Variants in HLF observed in about 807,000 individuals in gnomAD.
The protein encoded by HLF is HLF transcription factor, PAR bZIP family member.
HLF carries 3 observed loss-of-function variants against 22.6 expected under a neutral mutation model. The observed-to-expected ratio is 0.13, with a 90% CI of 0.06 to 0.34. The LOEUF (loss-of-function observed/expected upper bound fraction) is 0.34. Ranked by LOEUF, HLF falls within the 10% of genes least tolerant of loss-of-function variation. HLF has a pLI of 1.00. For missense variants in HLF, 299 were observed against 389.2 expected (o/e 0.77, Z 1.95); for synonymous variants, 151 against 151.8 (o/e 0.99, Z 0.04).
At position 55,320,710 on chromosome 17, in the gene HLF, A is replaced by G; in HGVS notation, c.719A>G (p.Lys240Arg). ...CGCAGAAAGAACAACATGGCAGCCAAGCGCTCCCGCGACGCCCGGAGGCTG... is the reference window on the plus strand; with the variant it reads ...CGCAGAAAGAACAACATGGCAGCCAGGCGCTCCCGCGACGCCCGGAGGCTG... ...ARRRKNNMAAKRSRDARRLKE... is the reference protein window; with the variant it reads ...ARRRKNNMAARRSRDARRLKE... The change falls in exon 4 of 4, where the codon AAG becomes AGG. Residue 240 changes from lysine to arginine, a missense_variant. By Grantham distance (26) the Lys-to-Arg change is conservative. Transcript: ENST00000226067. The surrounding 1 kb of genome is among the most constrained non-coding windows in gnomAD (Gnocchi z 4.2). The G allele has an allele frequency of 6.2e-7, 1 of 1,614,212 alleles. No homozygotes were observed. The highest frequency in any genetic ancestry group is 8.5e-7 in the Non-Finnish European group (1 of 1,180,022).
At chr17:55,278,455 C>G (rs2080925389) in intron 2 of HLF, among the ~76,000 whole-genome samples, 1 of 152,188 alleles carries the variant, frequency 6.6e-6, no homozygotes, top group African/African-American at 2.4e-5. Flanking sequence ...CATCACTGCT[C>G]TCTAAGTGCT....
chr17:55,268,197 A>G, intron 2 of HLF, 111 bp downstream of exon 2: 1 of 745,290 alleles, frequency 1.3e-6, no homozygotes, highest in Non-Finnish European at 2.1e-6. Context: ...AAAGATCCTA[A>G]GAGAGGTACC....
chr17:55,268,975 T>C (rs1256545232), intron 2 of HLF, among the ~76,000 whole-genome samples: 1 of 152,222 alleles, frequency 6.6e-6, no homozygotes, highest in Non-Finnish European at 1.5e-5. Context: ...GACGATTTCA[T>C]GTGCACAGGT....
At chr17:55,312,356 C>T (rs1904868773) in intron 2 of HLF, among the ~76,000 whole-genome samples, 1 of 152,172 alleles carries the variant, frequency 6.6e-6, no homozygotes, top group Non-Finnish European at 1.5e-5. Flanking sequence ...AATAGCCATT[C>T]TGGCAGTATG....
chr17:55,304,094 G>C (rs12451013), intron 2 of HLF, among the ~76,000 whole-genome samples: 22,513 of 152,094 alleles, frequency 0.15, 2,137 homozygotes, highest in Non-Finnish European at 0.21. Context: ...CACTTCAGTG[G>C]GCCCAGTGTT....
intron 2 of HLF, among the ~76,000 whole-genome samples, chr17:55,290,544 C>G (rs2081051870): frequency 6.6e-6 from 1 of 152,160 alleles, no homozygotes; most frequent in South Asian, 2.1e-4. Flanking sequence ...TGGTGAACTT[C>G]ATAAATGTTA....
intron 2 of HLF, among the ~76,000 whole-genome samples, chr17:55,292,831 C>G (rs754366908): frequency 5.3e-5 from 8 of 152,164 alleles, no homozygotes; most frequent in Non-Finnish European, 7.3e-5. Flanking sequence ...GAAATTCTAT[C>G]ACTTGCAGCA....
At chr17:55,273,664 A>C (rs1262637965) in intron 2 of HLF, 2 of 152,034 alleles carry the variant, frequency 1.3e-5, no homozygotes, top group East Asian at 3.9e-4. Flanking sequence ...GAGCCCTGGC[A>C]ACCCTGGCTG....
At chr17:55,275,184 C>T (rs1378536841) in intron 2 of HLF, among the ~76,000 whole-genome samples, 1 of 152,222 alleles carries the variant, frequency 6.6e-6, no homozygotes, top group Non-Finnish European at 1.5e-5. Context: ...CAACCTCAAC[C>T]TCCCAGGCTC....
In HLF at chr17:55,325,017, A is replaced by C. The variant is rs1905414567; in HGVS notation, c.*4138A>C. 1 of 225,320 alleles carries C rather than the reference A, an allele frequency of 4.4e-6. No homozygotes were observed. The highest frequency in any genetic ancestry group is 5.7e-5 in the Admixed American group (1 of 17,528). The allele number at this position is 225,320 out of a possible 1,614,324, so 14.0% of individuals were successfully genotyped here. On this transcript the variant is annotated 3_prime_UTR_variant, in exon 4 of 4. Transcript: ENST00000226067. ...TTTATGCTGTTAAGTCCAAACCTTT[A>C]TCTGTCTGTTATTCTTAATGTTGAA... is the stretch of plus-strand genomic sequence containing the variant.
chr17:55,288,207 G>A (rs1429426401), intron 2 of HLF, among the ~76,000 whole-genome samples: 1 of 152,012 alleles, frequency 6.6e-6, no homozygotes, highest in African/African-American at 2.4e-5. Context: ...GAGTGCAGTG[G>A]CGCAATCTCA....
chr17:55,277,601 G>A (rs2080916939), intron 2 of HLF, among the ~76,000 whole-genome samples: 1 of 148,484 alleles, frequency 6.7e-6, no homozygotes, highest in African/African-American at 2.5e-5. Context: ...TAAAGGAAAG[G>A]GACATTGTGG....
chr17:55,269,014 A>G (rs1016703042), intron 2 of HLF, among the ~76,000 whole-genome samples: 3 of 152,210 alleles, frequency 2.0e-5, no homozygotes, highest in Non-Finnish European at 4.4e-5. Flanking sequence ...AGCCAGATAA[A>G]TCATCCGGAA....
At position 55,324,063 on chromosome 17, in the gene HLF, A is replaced by G. The variant is rs1905364839; in HGVS notation, c.*3184A>G. 1 of 228,510 alleles carries G rather than the reference A, an allele frequency of 4.4e-6. No individual in the cohort carries two copies. Among genetic ancestry groups the G allele is most frequent in the Non-Finnish European group, 8.7e-6 (1 of 115,182 alleles). The allele number at this position is 228,510 out of a possible 1,614,324, so 14.2% of individuals were successfully genotyped here. ...TTTGTTGAGGGGAGGGCTGTAGATC[A>G]TTACTTCTTTCTCTTCAGGAAGTGG... On this transcript the variant is annotated 3_prime_UTR_variant, in exon 4 of 4. Transcript: ENST00000226067.
intron 2 of HLF, among the ~76,000 whole-genome samples, chr17:55,286,929 C>T (rs1342576941): frequency 2.0e-5 from 3 of 152,176 alleles, no homozygotes; most frequent in Admixed American, 6.5e-5. Context: ...GATACAGCCT[C>T]CTGCCAGTCT....
chr17:55,292,381 G>A (rs1598398398), intron 2 of HLF, among the ~76,000 whole-genome samples: 1 of 152,144 alleles, frequency 6.6e-6, no homozygotes, highest in Non-Finnish European at 1.5e-5. Flanking sequence ...CAACATTAAG[G>A]CAAGACCCAT....
chr17:55,302,168 G>C (rs1000431752), intron 2 of HLF, among the ~76,000 whole-genome samples: 1 of 152,226 alleles, frequency 6.6e-6, no homozygotes, highest in African/African-American at 2.4e-5. Context: ...ATGGTCTATA[G>C]GAGATTGGAG....
chr17:55,321,379 A>G lies in HLF; in HGVS notation c.*500A>G, dbSNP rs1251564154. 2 of 236,604 alleles carry G rather than the reference A, an allele frequency of 8.5e-6. No individual in the cohort carries two copies. The highest frequency in any genetic ancestry group is 1.7e-5 in the Non-Finnish European group (2 of 119,846). 14.7% of individuals were successfully genotyped at this position (236,604 alleles called of 1,614,324 possible). ...TTACCATGCTAATGAGGTGCACACAATAACTTAGCACTACTCCGCAGCTCT... is the reference window on the plus strand; with the variant it reads ...TTACCATGCTAATGAGGTGCACACAGTAACTTAGCACTACTCCGCAGCTCT... On this transcript the variant is annotated 3_prime_UTR_variant, in exon 4 of 4. Transcript: ENST00000226067.
chr17:55,306,731 CT>C (rs1904583409), intron 2 of HLF, among the ~76,000 whole-genome samples: 1 of 152,160 alleles, frequency 6.6e-6, no homozygotes, highest in South Asian at 2.1e-4. Flanking sequence ...CTAAGACTTT[CT>C]ATCTCTTTTT....
Sources: gnomAD v4.1 joint callset for allele counts (sites outside exome capture counted in the v4.1 genomes callset) on GRCh38, gnomAD v4.1.1 for gene constraint, Gnocchi (gnomAD v3.1) non-coding constraint, MANE v1.5 for transcripts, NCBI Gene and HGNC (gene_info 2026-07-23, HGNC 2026-07-21) for gene names.